Variants in SF3B3 observed in about 807,000 individuals in gnomAD.
The protein encoded by SF3B3 is splicing factor 3b subunit 3.
Under a neutral mutation model 139.2 loss-of-function variants are expected in SF3B3, and 33 were observed. That is an observed-to-expected ratio of 0.24 (90% CI 0.18 to 0.32). The LOEUF is 0.32. SF3B3 is among the 10% of genes least tolerant of loss of function. SF3B3 has a pLI of 1.00. For synonymous variants in SF3B3, 596 were observed against 563.6 expected, an observed-to-expected ratio of 1.06 and a Z score of -0.81; for missense variants, 818 against 1,509.4, an observed-to-expected ratio of 0.54 and a Z score of 7.59.
At chr16:70,566,113 C>CAA (rs112893145) in intron 20 of SF3B3, among the ~76,000 whole-genome samples, 1,347 of 117,722 alleles carry the variant, frequency 0.011, 27 homozygotes, top group African/African-American at 0.038. Context: ...GTGAGACTGT[C>CAA]AAAAAAAAAA....
chr16:70,552,747 TAACTG>T lies in SF3B3; in HGVS notation c.1403-1696_1403-1692del, dbSNP rs201067167. On this transcript the variant is annotated intron_variant, in intron 11 of 25. Transcript: ENST00000302516. The stretch of plus-strand genomic sequence containing the variant: ...CAGTAGGTACATATATATGCAATAT[TAACTG>T]AAACAAAAGTTTCACAAAACAGTAA... 8.2e-3 allele frequency among the ~76,000 whole-genome samples: 1,246 copies of T among 152,356 alleles called. 14 individuals carry two copies. The highest frequency in any genetic ancestry group is 0.013 in the Non-Finnish European group (913 of 68,034).
At chr16:70,550,553 T>C (rs1380143505) in intron 11 of SF3B3, 1 of 481,672 alleles carries the variant, frequency 2.1e-6, no homozygotes, top group Non-Finnish European at 2.7e-6. Context: ...ACATTCCTTC[T>C]GCCTGCACAT....
chr16:70,526,849 C>G, intron 2 of SF3B3, 123 bp downstream of exon 2: 5 of 690,612 alleles, frequency 7.2e-6, no homozygotes, highest in South Asian at 5.5e-5. Flanking sequence ...GTAAACAATT[C>G]AAATTATGAG....
At chr16:70,525,088 G>A (rs960816828) in intron 1 of SF3B3, 5 of 152,490 alleles carry the variant, frequency 3.3e-5, no homozygotes, top group African/African-American at 7.2e-5. Context: ...GGAGCGCAGC[G>A]GCTTGATCTC....
At chr16:70,526,488 G>T in intron 1 of SF3B3, 99 bp from the exon 2 acceptor site, 1 of 594,554 alleles carries the variant, frequency 1.7e-6, no homozygotes, top group Non-Finnish European at 3.0e-6. Context: ...AATAGGGCTT[G>T]CTCTGCTGGT....
chr16:70,561,480 C>T (rs1440551903), intron 16 of SF3B3, 150 bp from the exon 17 acceptor site: 1 of 683,572 alleles, frequency 1.5e-6, no homozygotes, highest in South Asian at 1.9e-5. Context: ...CTCTCTAGCC[C>T]TCTTTTTCTT....
At chr16:70,538,070 G>C (rs771706200) in intron 6 of SF3B3, 1 of 659,392 alleles carries the variant, frequency 1.5e-6, no homozygotes, top group Non-Finnish European at 2.8e-6. Context: ...TCTGGACACA[G>C]TTTTTGCCTT....
At chr16:70,556,370 T>C in intron 14 of SF3B3, 36 bp downstream of exon 14, 7 of 1,612,808 alleles carry the variant, frequency 4.3e-6, no homozygotes, top group Non-Finnish European at 5.9e-6. Flanking sequence ...ATCATCTGGT[T>C]GGAACCTGAG....
At chr16:70,560,159 T>G (rs548003221) in intron 15 of SF3B3, among the ~76,000 whole-genome samples, 1 of 152,322 alleles carries the variant, frequency 6.6e-6, no homozygotes, top group African/African-American at 2.4e-5. Context: ...TTGTGGTTAT[T>G]TAATTATTTA....
At chr16:70,562,524 T>C (rs757347536) in intron 17 of SF3B3, among the ~76,000 whole-genome samples, 8 of 152,216 alleles carry the variant, frequency 5.3e-5, no homozygotes, top group African/African-American at 1.4e-4. Flanking sequence ...TCCAGCAGAA[T>C]TGATCTCCCT....
intron 1 of SF3B3, among the ~76,000 whole-genome samples, chr16:70,525,256 A>G (rs1325386117): frequency 6.6e-6 from 1 of 150,596 alleles, no homozygotes; most frequent in Non-Finnish European, 1.5e-5. Flanking sequence ...TCAATTCCTG[A>G]CCTCAAGTGA....
chr16:70,526,833 G>A (rs922633700), intron 2 of SF3B3, 107 bp downstream of exon 2: 12 of 773,872 alleles, frequency 1.6e-5, no homozygotes, highest in Non-Finnish European at 4.3e-6. Context: ...ACAGTTGTTG[G>A]TAAATGTAAA....
At chr16:70,541,868 AT>A in intron 9 of SF3B3, 34 bp downstream of exon 9, 1 of 1,573,438 alleles carries the variant, frequency 6.4e-7, no homozygotes, top group East Asian at 2.3e-5. Context: ...TCCACAATAG[AT>A]CTAAAGTTAA....
chr16:70,562,300 C>T (rs1428256472), intron 17 of SF3B3, among the ~76,000 whole-genome samples: 2 of 152,158 alleles, frequency 1.3e-5, no homozygotes, highest in East Asian at 3.8e-4. Flanking sequence ...AGTTTGGCTT[C>T]CTCAGGTTTT....
At chr16:70,533,138 G>C (rs1036161783) in intron 5 of SF3B3, among the ~76,000 whole-genome samples, 2 of 152,168 alleles carry the variant, frequency 1.3e-5, no homozygotes, top group African/African-American at 4.8e-5. Context: ...TTGAGGTCCA[G>C]GATTTTCAGG....
rs561918126 is a variant in SF3B3 at position 70,525,174 on chromosome 16, C to T, written c.-71+1246C>T. ...CTTCCCGAGTAGCTGAGATTAAAGGCGTGTGCCACCGCGCCCGGCTAGTTT... is the reference window on the plus strand; with the variant it reads ...CTTCCCGAGTAGCTGAGATTAAAGGTGTGTGCCACCGCGCCCGGCTAGTTT... On this transcript the variant is annotated intron_variant, in intron 1 of 25. Transcript: ENST00000302516. Among the ~76,000 whole-genome samples, 4 of 150,848 alleles carry T rather than the reference C, an allele frequency of 2.7e-5. 1 individual carries two copies. The South Asian group carries it at 8.5e-4, about 32-fold the overall frequency.
In SF3B3 at chr16:70,567,436, C is replaced by T. The variant is rs1301690592; in HGVS notation, c.2852C>T (p.Ala951Val). The change falls in exon 21 of 26, where the codon GCT (alanine) becomes GTT (valine). Residue 951 changes from alanine to valine, a missense_variant. Coordinates refer to ENST00000302516, the MANE Select transcript of SF3B3 (RefSeq NM_012426.5). ...HKTPVEEVPAAIAPFQGRVLI... is the reference protein window; with the variant it reads ...HKTPVEEVPAVIAPFQGRVLI... ...ACTCCTGTGGAAGAGGTCCCTGCTG[C>T]TATTGCCCCATTCCAGGGGAGGGTG... 6.2e-7 allele frequency: 1 copy of T among 1,614,058 alleles called. No homozygotes were observed. Among genetic ancestry groups the T allele is most frequent in the Non-Finnish European group, 8.5e-7 (1 of 1,179,970 alleles).
intron 25 of SF3B3, 71 bp from the exon 26 acceptor site, chr16:70,571,602 C>A: frequency 6.6e-7 from 1 of 1,505,028 alleles, no homozygotes; most frequent in Non-Finnish European, 9.0e-7. Flanking sequence ...CCTACAAGTG[C>A]TGCTTTAGCA....
chr16:70,529,001 G>A lies in SF3B3; in HGVS notation c.199G>A (p.Ala67Thr). 11 of 1,614,194 alleles carry A rather than the reference G, an allele frequency of 6.8e-6. No individual in the cohort carries two copies. The highest frequency in any genetic ancestry group is 8.5e-6 in the Non-Finnish European group (10 of 1,180,044). ...ATTCGGTGTTATCCGGTCACTCATG[G>A]CCTTTAGGCTGACAGGTGGCACCAA... The part of the protein sequence containing the change: ...EVFGVIRSLM[A>T]FRLTGGTKDY... Residue 67 changes from alanine to threonine, a missense_variant, in exon 3 of 26, where the codon GCC becomes ACC. Around this residue, in one of 14 missense-constraint regions of SF3B3, gnomAD observed 144 missense variants for 259.2 expected, o/e 0.56. Transcript: ENST00000302516.
Sources: allele counts gnomAD v4.1 joint callset (sites outside exome capture counted in the v4.1 genomes callset), GRCh38; gene constraint gnomAD v4.1.1; regional missense constraint gnomAD v4.1.1; transcripts MANE v1.5; gene names NCBI Gene and HGNC (gene_info 2026-07-23, HGNC 2026-07-21).